The following PLXDC2 variants were observed in gnomAD, a reference collection of about 807,000 sequenced individuals.
The protein encoded by PLXDC2 is plexin domain-containing protein 2.
A neutral mutation model predicts 68.9 loss-of-function variants in PLXDC2; 40 were observed. The ratio of observed to expected loss-of-function variants is 0.58; its 90% CI spans 0.45 to 0.76. The LOEUF is 0.76. Among genes scored for constraint, PLXDC2 ranks in the 30% least tolerant of loss-of-function variants. PLXDC2 has a pLI of 0.00. For missense variants in PLXDC2, 644 were observed against 661.9 expected (o/e 0.97, Z 0.30); for synonymous variants, 243 against 234.2 (o/e 1.04, Z -0.34).
chr10:20,231,160 A>G (rs1171506174), intron 12 of PLXDC2, among the ~76,000 whole-genome samples: 2 of 151,470 alleles, frequency 1.3e-5, no homozygotes, highest in Non-Finnish European at 2.9e-5. Flanking sequence ...TTATTTGTCA[A>G]TTATGCTTAA....
intron 1 of PLXDC2, among the ~76,000 whole-genome samples, chr10:19,976,950 C>T (rs1834467805): frequency 6.7e-6 from 1 of 149,588 alleles, no homozygotes; most frequent in Non-Finnish European, 1.5e-5. Flanking sequence ...GAGTTATTTC[C>T]TCCTATTTTT....
intron 12 of PLXDC2, among the ~76,000 whole-genome samples, chr10:20,220,461 A>AT (rs982221602): frequency 2.0e-5 from 3 of 151,850 alleles, no homozygotes; most frequent in African/African-American, 4.8e-5. Flanking sequence ...TATTTATTAG[A>AT]TTTTTTTCTA....
chr10:19,997,958 T>A (rs750075157), intron 1 of PLXDC2, among the ~76,000 whole-genome samples: 12 of 152,342 alleles, frequency 7.9e-5, no homozygotes, highest in Non-Finnish European at 1.8e-4. Context: ...TATATTCCAA[T>A]GGGAATCAAG....
At chr10:20,141,777 A>G in intron 4 of PLXDC2, among the ~76,000 whole-genome samples, 1 of 152,168 alleles carries the variant, frequency 6.6e-6, no homozygotes, top group Non-Finnish European at 1.5e-5. Context: ...GCAATGACCA[A>G]ATCACCATAA....
chr10:20,013,806 A>G (rs1835157166), intron 2 of PLXDC2, among the ~76,000 whole-genome samples: 1 of 152,186 alleles, frequency 6.6e-6, no homozygotes, highest in African/African-American at 2.4e-5. Context: ...ATAAAAAATG[A>G]CTTATCTTCC....
At chr10:20,135,896 G>A (rs544771792) in intron 4 of PLXDC2, among the ~76,000 whole-genome samples, 4 of 152,244 alleles carry the variant, frequency 2.6e-5, no homozygotes, top group African/African-American at 9.6e-5. Context: ...TACCTTGACA[G>A]CTGGTTACAA....
chr10:19,878,309 C>T (rs1462224958), intron 1 of PLXDC2, among the ~76,000 whole-genome samples: 1 of 151,830 alleles, frequency 6.6e-6, no homozygotes, highest in African/African-American at 2.4e-5. Flanking sequence ...CCAAGTGATC[C>T]TCCTGTCTCA....
At chr10:19,887,198 A>G (rs965397902) in intron 1 of PLXDC2, among the ~76,000 whole-genome samples, 2 of 152,166 alleles carry the variant, frequency 1.3e-5, no homozygotes, top group Non-Finnish European at 2.9e-5. Flanking sequence ...ATTCATTAAA[A>G]CATAATAGTA....
chr10:19,835,064 G>A (rs1213978251), intron 1 of PLXDC2, among the ~76,000 whole-genome samples: 1 of 152,134 alleles, frequency 6.6e-6, no homozygotes, highest in African/African-American at 2.4e-5. Context: ...AACAATCCTG[G>A]GGCAGAGAAC....
chr10:20,083,206 T>G (rs1836605795), intron 4 of PLXDC2, among the ~76,000 whole-genome samples: 1 of 152,006 alleles, frequency 6.6e-6, no homozygotes, highest in Non-Finnish European at 1.5e-5. Flanking sequence ...CCGGGCGGGG[T>G]GGCTCACACC....
intron 2 of PLXDC2, among the ~76,000 whole-genome samples, chr10:20,003,632 A>G (rs907951139): frequency 6.6e-6 from 1 of 152,110 alleles, no homozygotes; most frequent in Admixed American, 6.5e-5. Flanking sequence ...GGGTTTCACC[A>G]TGTTGGCCAG....
intron 1 of PLXDC2, among the ~76,000 whole-genome samples, chr10:19,879,604 G>A (rs562172647): frequency 2.0e-5 from 3 of 152,246 alleles, no homozygotes; most frequent in African/African-American, 4.8e-5. Flanking sequence ...AGACTGAGAC[G>A]GTTGTATTGA....
chr10:19,997,276 T>C (rs1309572210), intron 1 of PLXDC2, among the ~76,000 whole-genome samples: 2 of 152,260 alleles, frequency 1.3e-5, no homozygotes, highest in Non-Finnish European at 2.9e-5. Context: ...TCTTTGGTTC[T>C]GCAATGAATT....
chr10:19,903,701 A>AT (rs57577021), intron 1 of PLXDC2, among the ~76,000 whole-genome samples: 4,466 of 129,432 alleles, frequency 0.035, 72 homozygotes, highest in Non-Finnish European at 0.044. Flanking sequence ...CATCTTCATT[A>AT]TTTTTTTTTT....
chr10:20,246,301 C>T (rs986211980), intron 13 of PLXDC2, among the ~76,000 whole-genome samples: 1 of 152,172 alleles, frequency 6.6e-6, no homozygotes, highest in Admixed American at 6.5e-5. Flanking sequence ...ACGAAGTCAC[C>T]TCTGTCCTCC....
intron 1 of PLXDC2, among the ~76,000 whole-genome samples, chr10:19,954,041 T>A (rs928602092): frequency 2.0e-5 from 3 of 152,032 alleles, no homozygotes; most frequent in African/African-American, 7.3e-5. Flanking sequence ...ACAGCAGTGA[T>A]ATAAATCCAG....
chr10:20,254,853 A>C (rs1041491313), intron 13 of PLXDC2, among the ~76,000 whole-genome samples: 3 of 152,160 alleles, frequency 2.0e-5, no homozygotes, highest in African/African-American at 7.2e-5. Flanking sequence ...TTATTCATGA[A>C]CATCACTGAA....
intron 1 of PLXDC2, among the ~76,000 whole-genome samples, chr10:19,920,679 T>A (rs1343692557): frequency 6.6e-6 from 1 of 152,096 alleles, no homozygotes; most frequent in Non-Finnish European, 1.5e-5. Context: ...CACCTCAGCC[T>A]CCAAAGTAGC....
At chr10:19,896,102 C>A (rs1042570858) in intron 1 of PLXDC2, among the ~76,000 whole-genome samples, 1 of 152,194 alleles carries the variant, frequency 6.6e-6, no homozygotes, top group African/African-American at 2.4e-5. Context: ...TTCTCTTGAT[C>A]TGCCATGATC....
Sources: allele counts gnomAD v4.1 joint callset (sites outside exome capture counted in the v4.1 genomes callset), GRCh38; gene constraint gnomAD v4.1.1; transcripts MANE v1.5; gene names NCBI Gene and HGNC (gene_info 2026-07-23, HGNC 2026-07-21).